The following FBXO31 variants were observed in gnomAD, a reference collection of about 807,000 sequenced individuals.
The protein encoded by FBXO31 is F-box protein 31, also known as F-box only protein 31.
FBXO31 carries 24 observed loss-of-function variants against 54.4 expected under a neutral mutation model. The observed-to-expected ratio is 0.44, with a 90% confidence interval of 0.32 to 0.62. The LOEUF (loss-of-function observed/expected upper bound fraction) is 0.62. Among genes scored for constraint, FBXO31 ranks in the 20% least tolerant of loss-of-function variants. The pLI, the probability that FBXO31 is intolerant of heterozygous loss-of-function variation, is 0.05. For synonymous variants in FBXO31, 388 were observed against 335.6 expected (o/e 1.16, Z -1.71); for missense variants, 665 against 787.1 (o/e 0.84, Z 1.86).
At chr16:87,388,215 G>A (rs1466434219), upstream of FBXO31, among the ~76,000 whole-genome samples, 1 of 152,224 alleles carries the variant, frequency 6.6e-6, no homozygotes, top group Non-Finnish European at 1.5e-5. Flanking sequence ...TCTTGAAGCT[G>A]AACAGGCCAG....
At chr16:87,356,063 T>C (rs995250649) in intron 2 of FBXO31, among the ~76,000 whole-genome samples, 1 of 151,890 alleles carries the variant, frequency 6.6e-6, no homozygotes, top group African/African-American at 2.4e-5. Context: ...ACCCTGTCTC[T>C]ACTAAAAATA....
At chr16:87,384,391 G>C (rs8062893), upstream of FBXO31, among the ~76,000 whole-genome samples, 2,237 of 152,306 alleles carry the variant, frequency 0.015, 64 homozygotes, top group African/African-American at 0.052. Flanking sequence ...GAAGCCCCGG[G>C]GAGGGCTTGG....
In FBXO31 at chr16:87,346,399, C is replaced by T. The variant is rs907389111; in HGVS notation, c.489+775G>A. On this transcript the variant is annotated intron_variant, in intron 3 of 8. Transcript: ENST00000311635. This position sits in a 1 kb window ranked among gnomAD's most constrained non-coding sequence, Gnocchi z 4.2. Reference sequence around the variant, plus strand: ...CTCGAAAGAAACTTTCACTACTGTACCCAAAAAGATTAACAAAGAGAAGGA... The same window carrying T: ...CTCGAAAGAAACTTTCACTACTGTATCCAAAAAGATTAACAAAGAGAAGGA... Among the ~76,000 whole-genome samples, 9 of 152,084 alleles carry T rather than the reference C, an allele frequency of 5.9e-5. No individual in the cohort carries two copies. The highest frequency in any genetic ancestry group is 1.0e-4 in the Non-Finnish European group (7 of 68,028).
chr16:87,384,292 G>C (rs912005986), upstream of FBXO31: 1 of 152,094 alleles, frequency 6.6e-6, no homozygotes, highest in African/African-American at 2.4e-5. Flanking sequence ...TTGAAACAAC[G>C]CGCGTTCCAT....
At chr16:87,363,223 G>T (rs973917861) in intron 1 of FBXO31, among the ~76,000 whole-genome samples, 2 of 151,968 alleles carry the variant, frequency 1.3e-5, no homozygotes, top group African/African-American at 4.8e-5. Context: ...CGTCTCTACT[G>T]AAAATACAAA....
intron 8 of FBXO31, among the ~76,000 whole-genome samples, chr16:87,333,228 C>T (rs559772701): frequency 1.3e-5 from 2 of 150,474 alleles, no homozygotes; most frequent in Non-Finnish European, 2.9e-5. Flanking sequence ...GTGCAAGCCT[C>T]GTCCCATGTC....
At position 87,334,005 on chromosome 16, in the gene FBXO31, C is replaced by A. The variant is rs768549020; in HGVS notation, c.1278G>T (p.Glu426Asp). The change falls in exon 8 of 9, where the codon GAG becomes GAT. Residue 426 changes from glutamate to aspartate, a missense_variant. Physicochemically the swap from Glu to Asp is conservative, Grantham distance 45. Around this residue, in one of 4 missense-constraint regions of FBXO31, gnomAD observed 165 missense variants for 159.7 expected, o/e 1.03. Coordinates refer to ENST00000311635, the MANE Select transcript of FBXO31 (RefSeq NM_024735.5). ...CGGCCGCAGCTACGGCATCCCCAGG[C>A]TCGCCACCATCCTCACCAGGTGTCC... ...PDGTPGEDGGEPGDAVAAAEQ... is the reference protein window; with the variant it reads ...PDGTPGEDGGDPGDAVAAAEQ... The A allele has an allele frequency of 1.9e-6, 3 of 1,612,824 alleles. No homozygotes were observed. Among genetic ancestry groups the A allele is most frequent in the Non-Finnish European group, 2.5e-6 (3 of 1,179,806 alleles).
At chr16:87,372,151 G>A (rs1906630890) in intron 1 of FBXO31, among the ~76,000 whole-genome samples, 1 of 152,100 alleles carries the variant, frequency 6.6e-6, no homozygotes, top group East Asian at 1.9e-4. Flanking sequence ...ATGAACCCAG[G>A]ATGTGGAGGT....
At chr16:87,369,821 C>T (rs1300493736) in intron 1 of FBXO31, among the ~76,000 whole-genome samples, 2 of 152,012 alleles carry the variant, frequency 1.3e-5, no homozygotes, top group Non-Finnish European at 2.9e-5. Flanking sequence ...TTCTGTCAGC[C>T]AGGCGACAGA....
chr16:87,363,474 G>C (rs889601), intron 1 of FBXO31, among the ~76,000 whole-genome samples: 151,511 of 152,362 alleles, frequency 0.99, 75,343 homozygotes, highest in Middle Eastern at 1. Context: ...GGGCATCTGA[G>C]GCTTGCCTGC....
At chr16:87,353,255 G>C (rs1189761144) in intron 2 of FBXO31, among the ~76,000 whole-genome samples, 5 of 152,120 alleles carry the variant, frequency 3.3e-5, no homozygotes, top group African/African-American at 1.2e-4. Context: ...AACCCGCCTT[G>C]TACAAAGACC....
intron 2 of FBXO31, among the ~76,000 whole-genome samples, chr16:87,350,215 G>A (rs1298929662): frequency 6.6e-6 from 1 of 152,076 alleles, no homozygotes; most frequent in African/African-American, 2.4e-5. Context: ...AGCAGGGAGG[G>A]CAAGAAAGCC....
rs933614370 is a variant in FBXO31 at position 87,345,425 on chromosome 16, G to A, written c.490-1660C>T. ...CAGACACTGGCACCACGCAGAGCCCGCAGAGCACCACCTCCTCACCCCACA... is the reference window on the plus strand; with the variant it reads ...CAGACACTGGCACCACGCAGAGCCCACAGAGCACCACCTCCTCACCCCACA... On this transcript the variant is annotated intron_variant, in intron 3 of 8. Coordinates refer to ENST00000311635, the MANE Select transcript of FBXO31 (RefSeq NM_024735.5). The surrounding 1 kb of genome is among the most constrained non-coding windows in gnomAD (Gnocchi z 4.9). 5.3e-5 allele frequency among the ~76,000 whole-genome samples: 8 copies of A among 152,230 alleles called. No homozygotes were observed. The highest frequency in any genetic ancestry group is 1.9e-4 in the East Asian group (1 of 5,176).
In FBXO31 at chr16:87,378,976, AC is replaced by A. The variant is rs1405820760; in HGVS notation, c.340+4428del. ...GACTCCATCTCAAAAAAAAAAAAAA[AC>A]AAAATATATAGATATAGACATAGAT... On this transcript the variant is annotated intron_variant, in intron 1 of 8. Coordinates refer to ENST00000311635, the MANE Select transcript of FBXO31 (RefSeq NM_024735.5). Among the ~76,000 whole-genome samples, 11 of 151,892 alleles carry A rather than the reference AC, an allele frequency of 7.2e-5. No homozygotes were observed. In the East Asian group the frequency reaches 7.7e-4, roughly 11 times the overall value.
At chr16:87,365,010 A>T (rs369931992) in intron 1 of FBXO31, among the ~76,000 whole-genome samples, 17 of 47,632 alleles carry the variant, frequency 3.6e-4, no homozygotes, top group African/African-American at 7.1e-4. Flanking sequence ...CCGTCTCTTA[A>T]ATATATATAT....
At chr16:87,341,042 C>T (rs999129892) in intron 5 of FBXO31, among the ~76,000 whole-genome samples, 1 of 152,130 alleles carries the variant, frequency 6.6e-6, no homozygotes. Flanking sequence ...CTCCTGATCC[C>T]AAGACACTAG....
At chr16:87,388,437 G>A (rs1254806451), upstream of FBXO31, among the ~76,000 whole-genome samples, 1 of 152,238 alleles carries the variant, frequency 6.6e-6, no homozygotes, top group Non-Finnish European at 1.5e-5. Context: ...ATGACACCAC[G>A]ATGGATAGGA....
upstream of FBXO31, chr16:87,383,821 C>A (rs1405817468): frequency 2.9e-6 from 3 of 1,049,118 alleles, no homozygotes; most frequent in Non-Finnish European, 3.5e-6. This position sits in a 1 kb window ranked among gnomAD's most constrained non-coding sequence, Gnocchi z 4.9. Context: ...CCGAGCCACG[C>A]CCCCGCCGCA....
At chr16:87,376,345 C>T (rs1296374049) in intron 1 of FBXO31, among the ~76,000 whole-genome samples, 1 of 151,746 alleles carries the variant, frequency 6.6e-6, no homozygotes, top group Non-Finnish European at 1.5e-5. Flanking sequence ...GCGATCTCAG[C>T]TCACTGTAAC....
Sources: gnomAD v4.1 joint callset for allele counts (sites outside exome capture counted in the v4.1 genomes callset) on GRCh38, gnomAD v4.1.1 for gene constraint, gnomAD v4.1.1 regional missense constraint, Gnocchi (gnomAD v3.1) non-coding constraint, MANE v1.5 for transcripts, NCBI Gene and HGNC (gene_info 2026-07-23, HGNC 2026-07-21) for gene names.